Variants in SYNRG observed in about 807,000 individuals in gnomAD.
SYNRG encodes AP1 gamma subunit binding protein 1.
A neutral mutation model predicts 130.9 loss-of-function variants in SYNRG; 37 were observed. The observed-to-expected ratio is 0.28, with a 90% confidence interval of 0.22 to 0.37. SYNRG has a LOEUF of 0.37. Ranked by LOEUF, SYNRG falls within the 10% of genes least tolerant of loss-of-function variation. The pLI is 1.00. For missense variants in SYNRG, 1,338 were observed against 1,588.9 expected (o/e 0.84, Z 2.68); for synonymous variants, 539 against 568.1 (o/e 0.95, Z 0.73).
chr17:37,540,564 A>G (rs868212616), intron 15 of SYNRG, 21 bp from the exon 16 acceptor site: 3 of 1,607,662 alleles, frequency 1.9e-6, no homozygotes, highest in Non-Finnish European at 8.5e-7. Flanking sequence ...GGGATAATAC[A>G]GTCAAAGGTT....
chr17:37,578,547 G>A (rs2061037734), intron 6 of SYNRG, among the ~76,000 whole-genome samples: 1 of 152,132 alleles, frequency 6.6e-6, no homozygotes, highest in Admixed American at 6.5e-5. Context: ...TCCTAGGGAG[G>A]CCTCTGGCCA....
chr17:37,604,219 G>A lies in SYNRG; in HGVS notation c.78-3816C>T, dbSNP rs561758781. On this transcript the variant is annotated intron_variant, in intron 1 of 21. Coordinates refer to ENST00000612223, the MANE Select transcript of SYNRG (RefSeq NM_007247.6). ...CACGCCACTGCACTCCAGCCTGGGTGACAGAGTGAGACTCTGTCTATAAAA... is the reference window on the plus strand; with the variant it reads ...CACGCCACTGCACTCCAGCCTGGGTAACAGAGTGAGACTCTGTCTATAAAA... Among the ~76,000 whole-genome samples the A allele has an allele frequency of 1.7e-4, 25 of 148,310 alleles. No individual in the cohort carries two copies. In the East Asian group the frequency reaches 3.0e-3, roughly 18 times the overall value.
chr17:37,609,028 C>A (rs1465689194), intron 1 of SYNRG, among the ~76,000 whole-genome samples: 1 of 149,982 alleles, frequency 6.7e-6, no homozygotes, highest in African/African-American at 2.5e-5. Context: ...CTCTCCCCTC[C>A]CACACTGGGC....
intron 14 of SYNRG, among the ~76,000 whole-genome samples, chr17:37,552,315 C>G (rs1042180216): frequency 9.9e-5 from 15 of 152,100 alleles, no homozygotes; most frequent in African/African-American, 3.6e-4. Context: ...AACCAGGACA[C>G]TTGGGAATCT....
chr17:37,559,589 C>T (rs1289101496), intron 13 of SYNRG, among the ~76,000 whole-genome samples: 1 of 152,136 alleles, frequency 6.6e-6, no homozygotes, highest in Non-Finnish European at 1.5e-5. Flanking sequence ...ACTTGAGAGT[C>T]TGAGAAAGAA....
chr17:37,570,916 G>A lies in SYNRG; in HGVS notation c.1099-31C>T, dbSNP rs201702710. The A allele has an allele frequency of 1.1e-5, 17 of 1,598,252 alleles. No homozygotes were observed. The Admixed American group carries it at 1.9e-4, about 18-fold the overall frequency. ...AATGATAGAAAGAAAATGGATTAGA[G>A]GATTGTAAACCACATACGGTCGAAA... On this transcript the variant is annotated intron_variant, in intron 9 of 21. Coordinates refer to ENST00000612223, the MANE Select transcript of SYNRG (RefSeq NM_007247.6).
At chr17:37,603,001 G>A (rs1258749118) in intron 1 of SYNRG, among the ~76,000 whole-genome samples, 1 of 152,172 alleles carries the variant, frequency 6.6e-6, no homozygotes, top group African/African-American at 2.4e-5. Flanking sequence ...TCCAGCCTGA[G>A]CAGACAGAAT....
chr17:37,571,952 G>A lies in SYNRG; in HGVS notation c.937C>T (p.Pro313Ser), dbSNP rs768717583. Residue 313 changes from proline to serine, a missense_variant, in exon 9 of 22, where the codon CCA becomes TCA. Physicochemically the swap from Pro to Ser is moderately conservative, Grantham distance 74 (BLOSUM62 -1). Transcript: ENST00000612223. ...YKKILETTMT[P>S]TGIDTAKLYP... ...AGTTTGGCAGTATCTATTCCAGTTG[G>A]AGTCATTGTGGTTTCTAAGATTTTC... 6.2e-7 allele frequency: 1 copy of A among 1,613,208 alleles called. No individual in the cohort carries two copies. Among genetic ancestry groups the A allele is most frequent in the South Asian group, 1.1e-5 (1 of 90,736 alleles).
In SYNRG at chr17:37,553,335, T is replaced by C. The variant is rs753239466; in HGVS notation, c.2388A>G (p.Lys796=). ...CTTTGGTGTGTCTGAAAGCCACTGCTTTCTCTCCCAGGGATTTGTCCGAGT... is the reference window on the plus strand; with the variant it reads ...CTTTGGTGTGTCTGAAAGCCACTGCCTTCTCTCCCAGGGATTTGTCCGAGT... ...SINSDKSLGE[K]AVAFRHTKED... is the part of the protein sequence containing the mutation. The change falls in exon 14 of 22, where the codon AAA becomes AAG. Residue 796 remains lysine (K), a synonymous_variant. Transcript: ENST00000612223. 3 of 1,614,242 alleles carry C rather than the reference T, an allele frequency of 1.9e-6. No homozygotes were observed. Among genetic ancestry groups the C allele is most frequent in the South Asian group, 2.2e-5 (2 of 91,086 alleles).
chr17:37,578,969 G>C (rs1360689040), intron 6 of SYNRG, among the ~76,000 whole-genome samples: 3 of 152,142 alleles, frequency 2.0e-5, no homozygotes, highest in Non-Finnish European at 4.4e-5. Flanking sequence ...CAAGACCCCA[G>C]AACTTAAAAA....
rs2054513037 is a variant in SYNRG, at chr17:37,517,444, A to C, written c.*1496T>G. 1 of 151,952 alleles carries C rather than the reference A, an allele frequency of 6.6e-6. No homozygotes were observed. The highest frequency in any genetic ancestry group is 2.1e-4 in the South Asian group (1 of 4,816). 9.4% of individuals were successfully genotyped at this position (151,952 alleles called of 1,614,324 possible). On this transcript the variant is annotated 3_prime_UTR_variant, in exon 22 of 22. Coordinates refer to ENST00000612223, the MANE Select transcript of SYNRG (RefSeq NM_007247.6). ...GTCAGGAATGGCCAGAGACGGTATC[A>C]TCGGGAGCGAGTGAGAAAAGCCTTT...
chr17:37,579,538 T>G (rs1007376732), intron 6 of SYNRG: 1 of 897,512 alleles, frequency 1.1e-6, no homozygotes, highest in Non-Finnish European at 1.5e-6. Flanking sequence ...GAAACATAAA[T>G]AGTGGAGGTG....
In SYNRG at chr17:37,579,747, T is replaced by C. The variant is rs565099671; in HGVS notation, c.590-2134A>G. On this transcript the variant is annotated intron_variant, in intron 6 of 21. Coordinates refer to ENST00000612223, the MANE Select transcript of SYNRG (RefSeq NM_007247.6). The stretch of plus-strand genomic sequence containing the variant: ...AGAGACAGGATCTTGCTCTGTCACC[T>C]AGGCTACAGTGCTGTGGCATGCTCA... Among the ~76,000 whole-genome samples, 7 of 152,336 alleles carry C rather than the reference T, an allele frequency of 4.6e-5. No individual in the cohort carries two copies. In the South Asian group the frequency reaches 1.4e-3, roughly 32 times the overall value.
intron 6 of SYNRG, among the ~76,000 whole-genome samples, chr17:37,580,510 T>TGTGAGAGA (rs1384344164): frequency 3.1e-5 from 4 of 127,660 alleles, no homozygotes; most frequent in African/African-American, 1.1e-4. Context: ...TGTGTGTGTG[T>TGTGAGAGA]GAGAGAGAGA....
At chr17:37,560,383 T>A (rs1319888968) in intron 13 of SYNRG, among the ~76,000 whole-genome samples, 2 of 151,246 alleles carry the variant, frequency 1.3e-5, no homozygotes, top group African/African-American at 4.9e-5. Context: ...TTGCCCAGGC[T>A]GGAGTGCAGT....
chr17:37,571,128 A>G (rs541548486), intron 9 of SYNRG, among the ~76,000 whole-genome samples: 2 of 152,228 alleles, frequency 1.3e-5, no homozygotes, highest in African/African-American at 4.8e-5. Context: ...GGTTAATTCT[A>G]TATGATCAAA....
At chr17:37,536,400 C>T in intron 18 of SYNRG, 1 of 423,874 alleles carries the variant, frequency 2.4e-6, no homozygotes, top group Non-Finnish European at 4.2e-6. Context: ...CTCTGTACCT[C>T]AGTTTCCTCA....
At position 37,536,089 on chromosome 17, in the gene SYNRG, G is replaced by A. The variant is rs1407472650; in HGVS notation, c.3556C>T (p.Leu1186=). ...EVYRVTKRVE[L]GIKATAVCSE... is the part of the protein sequence containing the mutation. ...CACACTGCAGTGGCTTTTATCCCCA[G>A]CTCCACACGCTTGGTTACCCTGTAC... Residue 1186 remains leucine, a synonymous_variant, in exon 19 of 22, where the codon CTG becomes TTG. Transcript: ENST00000612223. The A allele has an allele frequency of 6.2e-7, 1 of 1,613,974 alleles. No individual in the cohort carries two copies. The highest frequency in any genetic ancestry group is 2.2e-5 in the East Asian group (1 of 44,888).
At chr17:37,571,114 G>A (rs961993532) in intron 9 of SYNRG, among the ~76,000 whole-genome samples, 6 of 152,156 alleles carry the variant, frequency 3.9e-5, no homozygotes, top group African/African-American at 1.4e-4. Flanking sequence ...TTTCTGACAA[G>A]TTTGGTTAAT....
Sources: gnomAD v4.1 joint callset for allele counts (sites outside exome capture counted in the v4.1 genomes callset) on GRCh38, gnomAD v4.1.1 for gene constraint, MANE v1.5 for transcripts, NCBI Gene and HGNC (gene_info 2026-07-23, HGNC 2026-07-21) for gene names.